GRM8: variants seen among roughly 807,000 people sequenced by gnomAD.
GRM8 encodes the protein glutamate metabotropic receptor 8, also known as metabotropic glutamate receptor 8.
In GRM8, 47 loss-of-function variants were observed where a neutral mutation model predicts 87.2. The observed-to-expected ratio is 0.54, with a 90% CI of 0.43 to 0.69. The LOEUF (loss-of-function observed/expected upper bound fraction) is 0.69, where lower values mean the gene tolerates loss of function less well. Among genes scored for constraint, GRM8 ranks in the 30% least tolerant of loss-of-function variants. GRM8 has a pLI of 0.00. For synonymous variants in GRM8, 396 were observed against 404.5 expected, an observed-to-expected ratio of 0.98 and a Z score of 0.25; for missense variants, 1,019 against 1,139.2, an observed-to-expected ratio of 0.89 and a Z score of 1.52.
intron 2 of GRM8, among the ~76,000 whole-genome samples, chr7:127,146,140 T>A (rs1828541417): frequency 6.6e-6 from 1 of 152,072 alleles, no homozygotes; most frequent in South Asian, 2.1e-4. Flanking sequence ...AGATTTGAAG[T>A]TTAAAAAGTT....
chr7:127,154,573 T>G (rs903122865), intron 2 of GRM8, among the ~76,000 whole-genome samples: 5 of 152,144 alleles, frequency 3.3e-5, no homozygotes, highest in Non-Finnish European at 7.4e-5. Context: ...AAACTACATT[T>G]AACCTTTGTT....
intron 7 of GRM8, among the ~76,000 whole-genome samples, chr7:126,661,990 GTATTGT>G (rs1585417785): frequency 1.3e-5 from 2 of 151,040 alleles, no homozygotes; most frequent in East Asian, 3.9e-4. Context: ...GACTAAAAAG[GTATTGT>G]TATTAACTGT....
At chr7:127,090,452 A>T (rs1027666975) in intron 3 of GRM8, among the ~76,000 whole-genome samples, 7 of 152,102 alleles carry the variant, frequency 4.6e-5, no homozygotes, top group African/African-American at 1.7e-4. Flanking sequence ...ATTCCAAACC[A>T]ATTGAAAGAG....
At chr7:126,998,803 A>T (rs1425105798) in intron 3 of GRM8, among the ~76,000 whole-genome samples, 1 of 151,918 alleles carries the variant, frequency 6.6e-6, no homozygotes. Context: ...GGATTGAAGG[A>T]ATCAATATTG....
intron 3 of GRM8, among the ~76,000 whole-genome samples, chr7:126,905,687 G>A (rs558441483): frequency 1.1e-4 from 16 of 152,272 alleles, no homozygotes; most frequent in African/African-American, 3.6e-4. Flanking sequence ...GAAATGCACA[G>A]TCTAATCCAG....
chr7:126,822,902 C>G (rs1056532866), intron 6 of GRM8, among the ~76,000 whole-genome samples: 3 of 152,204 alleles, frequency 2.0e-5, no homozygotes, highest in Admixed American at 6.5e-5. Context: ...ATTTCTGTCT[C>G]CTAGTCTTCA....
chr7:126,971,325 A>C (rs1293437228), intron 3 of GRM8, among the ~76,000 whole-genome samples: 2 of 152,138 alleles, frequency 1.3e-5, no homozygotes, highest in African/African-American at 4.8e-5. Context: ...AAAACAAATA[A>C]CCAAAGAATA....
At chr7:127,114,177 T>G (rs1408061599) in intron 2 of GRM8, among the ~76,000 whole-genome samples, 3 of 152,190 alleles carry the variant, frequency 2.0e-5, no homozygotes, top group Non-Finnish European at 4.4e-5. Flanking sequence ...CAAGTTGGTG[T>G]CAAATAGGAA....
intron 9 of GRM8, among the ~76,000 whole-genome samples, chr7:126,523,514 T>G (rs1813324492): frequency 6.6e-6 from 1 of 151,450 alleles, no homozygotes; most frequent in Non-Finnish European, 1.5e-5. Context: ...TTTTTTTTTT[T>G]GAAACAGAGT....
chr7:127,235,081 T>C (rs1482935299), intron 2 of GRM8, among the ~76,000 whole-genome samples: 1 of 152,198 alleles, frequency 6.6e-6, no homozygotes. Context: ...AACCAAAATA[T>C]ATAACATCCA....
At chr7:126,769,537 C>A (rs1818591437) in intron 7 of GRM8, among the ~76,000 whole-genome samples, 1 of 152,054 alleles carries the variant, frequency 6.6e-6, no homozygotes, top group Non-Finnish European at 1.5e-5. Context: ...CTAATAATGA[C>A]ATGAACAAAA....
At chr7:126,815,778 T>C (rs1342449548) in intron 6 of GRM8, among the ~76,000 whole-genome samples, 1 of 152,168 alleles carries the variant, frequency 6.6e-6, no homozygotes, top group African/African-American at 2.4e-5. Flanking sequence ...GTGCTCATGA[T>C]GCTGATCTGT....
intron 3 of GRM8, among the ~76,000 whole-genome samples, chr7:127,077,799 A>G (rs568709729): frequency 6.6e-6 from 1 of 152,212 alleles, no homozygotes; most frequent in African/African-American, 2.4e-5. Flanking sequence ...CCTCCTTTCA[A>G]GATTGCTTGA....
At chr7:126,629,803 C>A (rs1255362319) in intron 7 of GRM8, among the ~76,000 whole-genome samples, 2 of 152,134 alleles carry the variant, frequency 1.3e-5, no homozygotes, top group African/African-American at 4.8e-5. Flanking sequence ...CTATTCTACA[C>A]TGCACGCATA....
At chr7:126,852,652 G>A (rs1797319055) in intron 6 of GRM8, among the ~76,000 whole-genome samples, 1 of 152,094 alleles carries the variant, frequency 6.6e-6, no homozygotes. Flanking sequence ...AATGTATTGA[G>A]AGTATTTTCT....
intron 3 of GRM8, among the ~76,000 whole-genome samples, chr7:127,100,140 C>G (rs1325172342): frequency 6.6e-6 from 1 of 152,114 alleles, no homozygotes; most frequent in Non-Finnish European, 1.5e-5. Flanking sequence ...GTCTCCAGAA[C>G]TGTGAGATGA....
At chr7:126,680,166 T>C (rs2402823) in intron 7 of GRM8, among the ~76,000 whole-genome samples, 150,879 of 152,304 alleles carry the variant, frequency 0.99, 74,739 homozygotes, top group Middle Eastern at 1. Context: ...ATCTCTGCTA[T>C]GGCAAGCTCC....
intron 3 of GRM8, among the ~76,000 whole-genome samples, chr7:126,924,923 A>C (rs1482713034): frequency 6.6e-6 from 1 of 152,136 alleles, no homozygotes; most frequent in African/African-American, 2.4e-5. Flanking sequence ...CTGGAAACTC[A>C]GCAGGCAAGA....
intron 6 of GRM8, among the ~76,000 whole-genome samples, chr7:126,788,514 T>C (rs182110586): frequency 1.3e-5 from 2 of 151,906 alleles, no homozygotes; most frequent in East Asian, 3.9e-4. Flanking sequence ...CTACATCTTC[T>C]TTATATTTTC....
Sources: gnomAD v4.1 joint callset for allele counts (sites outside exome capture counted in the v4.1 genomes callset) on GRCh38, gnomAD v4.1.1 for gene constraint, MANE v1.5 for transcripts, NCBI Gene and HGNC (gene_info 2026-07-23, HGNC 2026-07-21) for gene names.